Variants in NELL1 observed in about 807,000 individuals in gnomAD.
NELL1 encodes neural EGFL like 1.
In NELL1, 76 loss-of-function variants were observed where a neutral mutation model predicts 107.4. The observed-to-expected ratio is 0.71, with a 90% CI of 0.59 to 0.86. The LOEUF (loss-of-function observed/expected upper bound fraction) is 0.86. Ranked by LOEUF, NELL1 falls within the 40% of genes least tolerant of loss-of-function variation. NELL1 has a pLI of 0.00. For synonymous variants in NELL1, 353 were observed against 341.2 expected (o/e 1.03, Z -0.38); for missense variants, 1,024 against 1,005.5 (o/e 1.02, Z -0.25).
intron 12 of NELL1, among the ~76,000 whole-genome samples, chr11:21,061,200 G>C (rs1183441253): frequency 6.6e-6 from 1 of 152,186 alleles, no homozygotes; most frequent in Non-Finnish European, 1.5e-5. Flanking sequence ...AGTTCACATG[G>C]AGTTTATATT....
intron 12 of NELL1, among the ~76,000 whole-genome samples, chr11:20,985,955 A>G (rs1274620542): frequency 1.3e-5 from 2 of 152,204 alleles, no homozygotes; most frequent in South Asian, 4.1e-4. Flanking sequence ...AGGCTTTACT[A>G]ATGGACTTCA....
intron 14 of NELL1, among the ~76,000 whole-genome samples, chr11:21,351,835 T>C (rs1410549327): frequency 1.3e-5 from 2 of 152,146 alleles, no homozygotes; most frequent in Non-Finnish European, 2.9e-5. Flanking sequence ...AGAGCGTCTA[T>C]TGAAACCTAA....
chr11:20,776,293 G>A (rs1478414728), intron 2 of NELL1, among the ~76,000 whole-genome samples: 5 of 151,974 alleles, frequency 3.3e-5, no homozygotes, highest in Admixed American at 6.6e-5. Flanking sequence ...ACAAAAATTA[G>A]CCAGGTGTGG....
At chr11:21,169,683 TG>T (rs1176396969) in intron 13 of NELL1, 2 of 586,446 alleles carry the variant, frequency 3.4e-6, no homozygotes, top group East Asian at 5.9e-5. Flanking sequence ...ATGTACCTAA[TG>T]GGACTGTAAA....
At chr11:21,378,095 T>G (rs1355547630) in intron 15 of NELL1, among the ~76,000 whole-genome samples, 1 of 151,940 alleles carries the variant, frequency 6.6e-6, no homozygotes, top group African/African-American at 2.4e-5. Flanking sequence ...TTCTTTGTGG[T>G]GAGAGCATTC....
intron 12 of NELL1, among the ~76,000 whole-genome samples, chr11:21,071,702 G>A (rs1854019640): frequency 6.6e-6 from 1 of 152,156 alleles, no homozygotes; most frequent in Admixed American, 6.5e-5. Context: ...CTGTTGAGTG[G>A]CTCCTGGAAG....
intron 12 of NELL1, among the ~76,000 whole-genome samples, chr11:20,973,216 C>G (rs1014944243): frequency 7.0e-6 from 1 of 143,736 alleles, no homozygotes; most frequent in Non-Finnish European, 1.5e-5. Context: ...TCAAATGATT[C>G]TCCGGCCTCA....
At chr11:21,424,233 A>G (rs573663369) in intron 15 of NELL1, among the ~76,000 whole-genome samples, 11 of 152,326 alleles carry the variant, frequency 7.2e-5, no homozygotes, top group African/African-American at 2.4e-4. Flanking sequence ...ATTGACTAAG[A>G]AAAAGATAGA....
chr11:20,906,292 G>C (rs1849996677), intron 5 of NELL1, among the ~76,000 whole-genome samples: 1 of 152,060 alleles, frequency 6.6e-6, no homozygotes, highest in African/African-American at 2.4e-5. Context: ...AAGAAGACCG[G>C]ATCATGAAGA....
At chr11:21,349,376 A>G (rs1850751908) in intron 14 of NELL1, among the ~76,000 whole-genome samples, 1 of 152,276 alleles carries the variant, frequency 6.6e-6, no homozygotes, top group Admixed American at 6.5e-5. Flanking sequence ...TTTGGCAAGT[A>G]TTGGGAGCAT....
At chr11:21,278,440 A>T (rs560461810) in intron 14 of NELL1, among the ~76,000 whole-genome samples, 107 of 152,220 alleles carry the variant, frequency 7.0e-4, no homozygotes, top group Non-Finnish European at 1.4e-3. Flanking sequence ...TGACTATAGC[A>T]TAGTGGCAGA....
chr11:21,552,879 T>C (rs539135247), intron 16 of NELL1, among the ~76,000 whole-genome samples: 1 of 151,926 alleles, frequency 6.6e-6, no homozygotes, highest in South Asian at 2.1e-4. Flanking sequence ...TACTAGGGCA[T>C]AGTTTTTGGA....
chr11:20,979,106 C>T (rs920590423), intron 12 of NELL1, among the ~76,000 whole-genome samples: 1 of 152,164 alleles, frequency 6.6e-6, no homozygotes, highest in South Asian at 2.1e-4. Context: ...CCAAGTTCTT[C>T]TCTTGAAAGG....
chr11:20,998,885 T>C (rs1054127626), intron 12 of NELL1, among the ~76,000 whole-genome samples: 2 of 152,206 alleles, frequency 1.3e-5, no homozygotes, highest in African/African-American at 2.4e-5. Flanking sequence ...CTCTTCCTTC[T>C]TTCTGTAAAC....
At chr11:21,146,984 C>T (rs1855995614) in intron 13 of NELL1, among the ~76,000 whole-genome samples, 1 of 152,152 alleles carries the variant, frequency 6.6e-6, no homozygotes. Context: ...GCAGAGGTTG[C>T]AGTGAGCCAA....
At chr11:21,079,545 T>C (rs1351791615) in intron 12 of NELL1, among the ~76,000 whole-genome samples, 4 of 151,986 alleles carry the variant, frequency 2.6e-5, no homozygotes, top group Non-Finnish European at 5.9e-5. Context: ...TCTGAAAGAA[T>C]GACAAAAGTT....
intron 5 of NELL1, among the ~76,000 whole-genome samples, chr11:20,888,723 A>C (rs551222827): frequency 6.6e-6 from 1 of 152,258 alleles, no homozygotes; most frequent in Non-Finnish European, 1.5e-5. Flanking sequence ...TTCTGCTTTG[A>C]CCTGGCTAAG....
At position 20,953,713 on chromosome 11, in the gene NELL1, C is replaced by G. The variant is rs564140200; in HGVS notation, c.1171+6278C>G. Among the ~76,000 whole-genome samples, 4 of 152,246 alleles carry G rather than the reference C, an allele frequency of 2.6e-5. No homozygotes were observed. In the South Asian group the frequency reaches 8.3e-4, roughly 32 times the overall value. On this transcript the variant is annotated intron_variant, in intron 11 of 19. Coordinates refer to ENST00000357134, the MANE Select transcript of NELL1 (RefSeq NM_006157.5). ...AATTTCTTTGTACATATCACGGGCC[C>G]ATGCTGCTGTAAGCATTTGGAACTC...
chr11:21,423,182 T>C (rs995572629), intron 15 of NELL1, among the ~76,000 whole-genome samples: 3 of 151,940 alleles, frequency 2.0e-5, no homozygotes, highest in African/African-American at 7.3e-5. Context: ...CTCGCCAACA[T>C]GGTGAAACCC....
Sources: allele counts gnomAD v4.1 joint callset (sites outside exome capture counted in the v4.1 genomes callset), GRCh38; gene constraint gnomAD v4.1.1; transcripts MANE v1.5; gene names NCBI Gene and HGNC (gene_info 2026-07-23, HGNC 2026-07-21).